Variants in ANKRD24 observed in about 807,000 individuals in gnomAD.
ANKRD24 encodes ankyrin repeat domain 24, also known as ankyrin repeat domain-containing protein 24.
In ANKRD24, 109 loss-of-function variants were observed where a neutral mutation model predicts 127.8. That is an observed-to-expected ratio of 0.85 (90% CI 0.73 to 1.00). The LOEUF is 1.00. ANKRD24 is among the 50% of genes least tolerant of loss of function. The probability of loss-of-function intolerance (pLI) is 0.00; values close to 1 mark genes in which losing one functional copy is unlikely to be tolerated. For synonymous variants in ANKRD24, 743 were observed against 671.1 expected, an observed-to-expected ratio of 1.11 and a Z score of -1.66; for missense variants, 1,648 against 1,570.2, an observed-to-expected ratio of 1.05 and a Z score of -0.84.
chr19:4,223,401 ATTTT>A lies in ANKRD24; in HGVS notation c.3297+622_3297+625del, dbSNP rs1173862080. 3.8e-3 allele frequency among the ~76,000 whole-genome samples: 202 copies of A among 53,262 alleles called. 3 individuals are homozygous for A. The highest frequency in any genetic ancestry group is 0.011 in the East Asian group (22 of 1,938). The allele number at this position is 53,262 out of a possible 152,430, so 34.9% of individuals were successfully genotyped here. On this transcript the variant is annotated intron_variant, in intron 20 of 21. Transcript: ENST00000318934. ...TATATATATATATATATATATATAT[ATTTT>A]TTTTTTTTTTTTTTTGAGCCAGTCT...
chr19:4,189,230 A>ATTT (rs1968237686), intron 2 of ANKRD24, among the ~76,000 whole-genome samples: 1 of 99,644 alleles, frequency 1.0e-5, no homozygotes, highest in East Asian at 3.2e-4. Context: ...ATTTTTTTTA[A>ATTT]TTTTTCTTTC....
rs1326671288 is a variant in ANKRD24 at position 4,199,935 on chromosome 19, C to T, written c.184C>T (p.Pro62Ser). Residue 62 changes from proline (P) to serine (S), a missense_variant, in exon 4 of 22, where the codon CCT (proline) becomes TCT (serine). Pro to Ser is a moderately conservative substitution (Grantham distance 74). Coordinates refer to ENST00000318934, the MANE Select transcript of ANKRD24 (RefSeq NM_001393985.1). This position sits in a 1 kb window ranked among gnomAD's most constrained non-coding sequence, Gnocchi z 5.2. Reference sequence around the variant, plus strand: ...ACAAGCCGTGGAAAACAACGATGCACCTCGGGTGGCCGCCCTCATCGCCCG... The same window carrying T: ...ACAAGCCGTGGAAAACAACGATGCATCTCGGGTGGCCGCCCTCATCGCCCG... Reference protein sequence around the residue: ...LLQAVENNDAPRVAALIARKG... With the variant: ...LLQAVENNDASRVAALIARKG... The T allele has an allele frequency of 6.4e-7, 1 of 1,566,850 alleles. No individual in the cohort carries two copies. The highest frequency in any genetic ancestry group is 8.6e-7 in the Non-Finnish European group (1 of 1,156,502).
At chr19:4,194,852 C>T (rs572360248) in intron 2 of ANKRD24, among the ~76,000 whole-genome samples, 17 of 151,962 alleles carry the variant, frequency 1.1e-4, no homozygotes, top group South Asian at 6.3e-4. Context: ...GCCGGTGGAC[C>T]GAGTGTGGGG....
Position 4,217,839 on chromosome 19 carries a change from G to A in ANKRD24, c.2679G>A (p.Glu893=). 1.4e-6 allele frequency: 2 copies of A among 1,431,236 alleles called. No individual in the cohort carries two copies. The highest frequency in any genetic ancestry group is 1.8e-6 in the Non-Finnish European group (2 of 1,097,698). 88.7% of individuals were successfully genotyped at this position (1,431,236 alleles called of 1,614,324 possible). ...ARVAELPAAC[E]EARQGLAELR... is the part of the protein sequence containing the mutation. ...TGGCTGAGCTGCCTGCGGCCTGCGAGGAGGCGCGGCAGGGCCTGGCCGAGC... is the reference window on the plus strand; with the variant it reads ...TGGCTGAGCTGCCTGCGGCCTGCGAAGAGGCGCGGCAGGGCCTGGCCGAGC... The change falls in exon 18 of 22, where the codon GAG becomes GAA. Residue 893 remains glutamate (E), a synonymous_variant. Transcript: ENST00000318934.
In ANKRD24 at chr19:4,217,059, G is replaced by C. The variant is rs61742137; in HGVS notation, c.1899G>C (p.Thr633=). The stretch of plus-strand genomic sequence containing the variant: ...CTCAGGCCACAGACACAGAGACCAC[G>C]GGAGTGGAGGCCATGGGGGTGGAGG... The part of the protein sequence containing the change: ...TGAQATDTET[T]GVEAMGVEAT... Residue 633 remains threonine, a synonymous_variant, in exon 18 of 22, where the codon ACG becomes ACC. Coordinates refer to ENST00000318934, the MANE Select transcript of ANKRD24 (RefSeq NM_001393985.1). 1.2e-6 allele frequency: 2 copies of C among 1,613,822 alleles called. No homozygotes were observed. Among genetic ancestry groups the C allele is most frequent in the Non-Finnish European group, 8.5e-7 (1 of 1,179,880 alleles).
At chr19:4,186,554 T>C in intron 2 of ANKRD24, 93 bp downstream of exon 2, 2 of 1,368,416 alleles carry the variant, frequency 1.5e-6, no homozygotes, top group Non-Finnish European at 2.0e-6. Context: ...TTCATTCCAG[T>C]ACCCACCTCT....
chr19:4,198,460 C>T lies in ANKRD24; in HGVS notation c.37-1223C>T. ...CTGGCCGCCGCCTCCTCTTGGAACC[C>T]CGTGCGCCCCCCGCGCCCCGCGCCC... On this transcript the variant is annotated intron_variant, in intron 2 of 21. Transcript: ENST00000318934. The surrounding 1 kb of genome is among the most constrained non-coding windows in gnomAD (Gnocchi z 6.1). The T allele has an allele frequency of 1.6e-6, 1 of 616,216 alleles. No homozygotes were observed. Among genetic ancestry groups the T allele is most frequent in the East Asian group, 3.4e-5 (1 of 29,464 alleles). 38.2% of individuals were successfully genotyped at this position (616,216 alleles called of 1,614,324 possible).
chr19:4,223,500 C>G lies in ANKRD24; in HGVS notation c.3298-627C>G, dbSNP rs201299691. 1.5e-4 allele frequency among the ~76,000 whole-genome samples: 22 copies of G among 149,964 alleles called. No individual in the cohort carries two copies. The East Asian group carries it at 3.5e-3, about 24-fold the overall frequency. On this transcript the variant is annotated intron_variant, in intron 20 of 21. Coordinates refer to ENST00000318934, the MANE Select transcript of ANKRD24 (RefSeq NM_001393985.1). ...ACTGCAACCTCTGCCTCCCGGCTCC[C>G]GGGTTCAAGTGATTCTCCTGCCTCA... is the stretch of plus-strand genomic sequence containing the variant.
Position 4,198,307 on chromosome 19 carries a change from C to A in ANKRD24, c.37-1376C>A. On this transcript the variant is annotated intron_variant, in intron 2 of 21. Coordinates refer to ENST00000318934, the MANE Select transcript of ANKRD24 (RefSeq NM_001393985.1). The surrounding 1 kb of genome is among the most constrained non-coding windows in gnomAD (Gnocchi z 6.1). The stretch of plus-strand genomic sequence containing the variant: ...CCATTCCATCCCGTGGGGGAGGGGG[C>A]TGGCGAGGAGGGCAAGGGGGAGGGG... The A allele has an allele frequency of 7.1e-6, 1 of 140,586 alleles. No homozygotes were observed. The highest frequency in any genetic ancestry group is 1.4e-5 in the Non-Finnish European group (1 of 69,042). 8.7% of individuals were successfully genotyped at this position (140,586 alleles called of 1,614,324 possible).
rs760022455 is a variant in ANKRD24, at chr19:4,216,693, G to T, written c.1533G>T (p.Arg511Ser). The change falls in exon 18 of 22, where the codon AGG becomes AGT. Residue 511 changes from arginine (R) to serine (S), a missense_variant. Physicochemically the swap from Arg to Ser is moderately radical, Grantham distance 110. Coordinates refer to ENST00000318934, the MANE Select transcript of ANKRD24 (RefSeq NM_001393985.1). Reference protein sequence around the residue: ...RQHAEALQALRQQETREVPRE... With the variant: ...RQHAEALQALSQQETREVPRE... ...ACGCTGAGGCCCTGCAGGCCCTGAG[G>T]CAGCAGGAGACACGAGAGGTCCCCA... is the stretch of plus-strand genomic sequence containing the variant. 6.3e-7 allele frequency: 1 copy of T among 1,586,000 alleles called. No individual in the cohort carries two copies. Among genetic ancestry groups the T allele is most frequent in the Non-Finnish European group, 8.6e-7 (1 of 1,166,544 alleles).
rs866025789 is a variant in ANKRD24 at position 4,223,405 on chromosome 19, T to A, written c.3297+610T>A. Reference sequence around the variant, plus strand: ...TATATATATATATATATATATATTTTTTTTTTTTTTTTTTTGAGCCAGTCT... The same window carrying A: ...TATATATATATATATATATATATTTATTTTTTTTTTTTTTTGAGCCAGTCT... On this transcript the variant is annotated intron_variant, in intron 20 of 21. Transcript: ENST00000318934. 9.2e-3 allele frequency among the ~76,000 whole-genome samples: 947 copies of A among 103,122 alleles called. 9 individuals carry two copies. The highest frequency in any genetic ancestry group is 0.024 in the African/African-American group (543 of 22,468). 67.7% of individuals were successfully genotyped at this position (103,122 alleles called of 152,430 possible). A position where few individuals can be genotyped will look rare whatever the true frequency, so the allele number is the denominator to read the frequency against.
chr19:4,209,512 T>G, intron 11 of ANKRD24, among the ~76,000 whole-genome samples: 1 of 151,104 alleles, frequency 6.6e-6, no homozygotes. Context: ...TGCAATGGCG[T>G]GATCTTGGCT....
rs1968362622 is a variant in ANKRD24 at position 4,191,170 on chromosome 19, G to T, written c.36+4709G>T. 2.6e-5 allele frequency among the ~76,000 whole-genome samples: 4 copies of T among 152,272 alleles called. No homozygotes were observed. The South Asian group carries it at 8.3e-4, about 32-fold the overall frequency. ...CTGGCTGTTGCTGGGAAGCTGCAGG[G>T]CCTCCATCCTCCCCTCCCAGAGCAC... On this transcript the variant is annotated intron_variant, in intron 2 of 21. Coordinates refer to ENST00000318934, the MANE Select transcript of ANKRD24 (RefSeq NM_001393985.1).
chr19:4,219,774 C>T lies in ANKRD24; in HGVS notation c.3171+16C>T, dbSNP rs772828784. ...GGACAAGAAGGTGGGTGCCCCCTCT[C>T]CCACACTCAGTCAGGGAGGCATCCA... On this transcript the variant is annotated intron_variant, in intron 19 of 21. Coordinates refer to ENST00000318934, the MANE Select transcript of ANKRD24 (RefSeq NM_001393985.1). 4 of 1,586,544 alleles carry T rather than the reference C, an allele frequency of 2.5e-6. No homozygotes were observed. Among genetic ancestry groups the T allele is most frequent in the Non-Finnish European group, 3.4e-6 (4 of 1,164,332 alleles).
In ANKRD24 at chr19:4,198,417, G is replaced by C; in HGVS notation, c.37-1266G>C. The C allele has an allele frequency of 2.0e-6, 1 of 493,600 alleles. No individual in the cohort carries two copies. Among genetic ancestry groups the C allele is most frequent in the South Asian group, 3.1e-5 (1 of 32,212 alleles). 30.6% of individuals were successfully genotyped at this position (493,600 alleles called of 1,614,324 possible). On this transcript the variant is annotated intron_variant, in intron 2 of 21. Coordinates refer to ENST00000318934, the MANE Select transcript of ANKRD24 (RefSeq NM_001393985.1). The surrounding 1 kb of genome is among the most constrained non-coding windows in gnomAD (Gnocchi z 6.1). The stretch of plus-strand genomic sequence containing the variant: ...CAGCCCCGCCCTCCGGCCGCTCCCC[G>C]CGGTCCCTCCAGACCCTCTGGCCGC...
intron 20 of ANKRD24, 71 bp downstream of exon 20, chr19:4,222,866 C>T: frequency 1.4e-6 from 2 of 1,470,824 alleles, no homozygotes; most frequent in Non-Finnish European, 1.8e-6. Context: ...CCAATCAGCA[C>T]AGCGCAGGTG....
Position 4,219,692 on chromosome 19 carries a change from A to C in ANKRD24, c.3105A>C (p.Glu1035Asp), listed in dbSNP as rs761861021. The change falls in exon 19 of 22, where the codon GAA (glutamate) becomes GAC (aspartate). Residue 1035 changes from glutamate (E) to aspartate (D), a missense_variant. By Grantham distance (45) the Glu-to-Asp change is conservative (BLOSUM62 2). Coordinates refer to ENST00000318934, the MANE Select transcript of ANKRD24 (RefSeq NM_001393985.1). The part of the protein sequence containing the change: ...QQLRGLRTEA[E>D]RARQAQSRAQ... ...TACGGGGGCTACGGACCGAGGCGGA[A>C]AGGGCTCGCCAGGCCCAGAGCCGGG... 1 of 1,613,770 alleles carries C rather than the reference A, an allele frequency of 6.2e-7. No homozygotes were observed. Among genetic ancestry groups the C allele is most frequent in the Non-Finnish European group, 8.5e-7 (1 of 1,179,794 alleles).
At chr19:4,211,129 G>T (rs1196442460) in intron 13 of ANKRD24, among the ~76,000 whole-genome samples, 1 of 151,552 alleles carries the variant, frequency 6.6e-6, no homozygotes, top group Non-Finnish European at 1.5e-5. Flanking sequence ...CACCGCACCC[G>T]GCCTCTTTAT....
chr19:4,215,968 C>T lies in ANKRD24; in HGVS notation c.1198-10C>T, dbSNP rs758405653. 6.3e-7 allele frequency: 1 copy of T among 1,578,032 alleles called. No individual in the cohort carries two copies. The highest frequency in any genetic ancestry group is 8.6e-7 in the Non-Finnish European group (1 of 1,163,122). ...AGAACCCCGAGCTGGACTCTGCTCC[C>T]TCCCCCCAGAACGAGCGGGAGAATA... On this transcript the variant is annotated splice_polypyrimidine_tract_variant and intron_variant, in intron 15 of 21. Coordinates refer to ENST00000318934, the MANE Select transcript of ANKRD24 (RefSeq NM_001393985.1).
Sources: gnomAD v4.1 joint callset for allele counts (sites outside exome capture counted in the v4.1 genomes callset) on GRCh38, gnomAD v4.1.1 for gene constraint, Gnocchi (gnomAD v3.1) non-coding constraint, MANE v1.5 for transcripts, NCBI Gene and HGNC (gene_info 2026-07-23, HGNC 2026-07-21) for gene names.